SGCZ: variants seen among roughly 807,000 people sequenced by gnomAD.
The protein encoded by SGCZ is sarcoglycan zeta.
Under a neutral mutation model 41.3 loss-of-function variants are expected in SGCZ, and 40 were observed. The ratio of observed to expected loss-of-function variants is 0.97; its 90% confidence interval spans 0.75 to 1.26. The LOEUF (loss-of-function observed/expected upper bound fraction) is 1.26, where lower values mean the gene tolerates loss of function less well. Ranked by LOEUF, SGCZ falls within the 50% of genes most tolerant of loss-of-function variation. The pLI, the probability that SGCZ is intolerant of heterozygous loss-of-function variation, is 0.00. For synonymous variants in SGCZ, 206 were observed against 137.5 expected (o/e 1.50, Z -3.49); for missense variants, 552 against 369.8 (o/e 1.49, Z -4.04).
At chr8:14,979,798 G>C (rs573930176) in intron 1 of SGCZ, among the ~76,000 whole-genome samples, 1 of 152,326 alleles carries the variant, frequency 6.6e-6, no homozygotes, top group East Asian at 1.9e-4. Flanking sequence ...GGCAGGTGAT[G>C]ACAAGTAATC....
intron 5 of SGCZ, among the ~76,000 whole-genome samples, chr8:14,125,803 T>A (rs1452764429): frequency 6.6e-6 from 1 of 152,082 alleles, no homozygotes; most frequent in Non-Finnish European, 1.5e-5. Context: ...ACAATGGAGA[T>A]ACCAGAAGTA....
intron 1 of SGCZ, among the ~76,000 whole-genome samples, chr8:14,652,384 C>T: frequency 6.8e-6 from 1 of 146,716 alleles, no homozygotes; most frequent in East Asian, 2.0e-4. Flanking sequence ...TGAAATAATG[C>T]ATATATATTC....
chr8:14,584,652 C>G lies in SGCZ; in HGVS notation c.40-29726G>C, dbSNP rs966363469. On this transcript the variant is annotated intron_variant, in intron 1 of 7. Transcript: ENST00000382080. Reference sequence around the variant, plus strand: ...AAAAGAGTTGTGCGGTCTTCAGGGCCAAAAGCACGCTAAATTTAATTTTTT... The same window carrying G: ...AAAAGAGTTGTGCGGTCTTCAGGGCGAAAAGCACGCTAAATTTAATTTTTT... Among the ~76,000 whole-genome samples the G allele has an allele frequency of 2.6e-5, 4 of 151,828 alleles. No individual in the cohort carries two copies. In the South Asian group the frequency reaches 8.3e-4, roughly 31 times the overall value.
intron 3 of SGCZ, among the ~76,000 whole-genome samples, chr8:14,310,803 T>C (rs1249085882): frequency 6.6e-6 from 1 of 152,144 alleles, no homozygotes; most frequent in Non-Finnish European, 1.5e-5. Flanking sequence ...TGAACATTTT[T>C]AAAATAAGGG....
intron 1 of SGCZ, among the ~76,000 whole-genome samples, chr8:15,080,680 T>C (rs1166563729): frequency 6.6e-6 from 1 of 152,096 alleles, no homozygotes; most frequent in African/African-American, 2.4e-5. Flanking sequence ...AACCTCCGCC[T>C]CTGGGGTTCA....
chr8:14,125,198 T>G (rs1725732671), intron 5 of SGCZ, among the ~76,000 whole-genome samples: 1 of 152,062 alleles, frequency 6.6e-6, no homozygotes, highest in Non-Finnish European at 1.5e-5. Context: ...ATCACTATTG[T>G]TGGCCAGGCG....
At chr8:14,810,383 A>AT (rs1801703321) in intron 1 of SGCZ, among the ~76,000 whole-genome samples, 3 of 152,134 alleles carry the variant, frequency 2.0e-5, no homozygotes, top group South Asian at 2.1e-4. Context: ...TCATATTAAC[A>AT]TTTTTTAAGA....
intron 1 of SGCZ, among the ~76,000 whole-genome samples, chr8:15,097,885 T>TGC (rs1806436256): frequency 5.1e-5 from 1 of 19,680 alleles, no homozygotes; most frequent in South Asian, 2.7e-3. Context: ...TATATATACG[T>TGC]GTGTATATAT....
At chr8:14,687,282 G>C (rs1054965509) in intron 1 of SGCZ, among the ~76,000 whole-genome samples, 14 of 151,066 alleles carry the variant, frequency 9.3e-5, no homozygotes, top group African/African-American at 3.2e-4. Context: ...CCATGTTGGT[G>C]TGCTGCACCC....
At chr8:14,974,935 A>C (rs1409942416) in intron 1 of SGCZ, among the ~76,000 whole-genome samples, 1 of 152,094 alleles carries the variant, frequency 6.6e-6, no homozygotes, top group Non-Finnish European at 1.5e-5. Context: ...GGGAAATTTG[A>C]AATTCCCAGT....
At chr8:14,236,109 A>G (rs1806750386) in intron 4 of SGCZ, among the ~76,000 whole-genome samples, 1 of 152,228 alleles carries the variant, frequency 6.6e-6, no homozygotes, top group Admixed American at 6.5e-5. Flanking sequence ...AAATCTACTA[A>G]GGTTAGGCCC....
intron 2 of SGCZ, among the ~76,000 whole-genome samples, chr8:14,332,355 G>T (rs928572583): frequency 2.0e-5 from 3 of 152,020 alleles, no homozygotes; most frequent in African/African-American, 7.2e-5. Flanking sequence ...GCAGGAGAAT[G>T]GTGTGAACCC....
chr8:14,152,571 T>C (rs1480286100), intron 5 of SGCZ, among the ~76,000 whole-genome samples: 3 of 152,116 alleles, frequency 2.0e-5, no homozygotes, highest in East Asian at 1.9e-4. Flanking sequence ...TGTGAAGAAA[T>C]TGAATTCTTG....
At chr8:14,787,765 G>C (rs944348788) in intron 1 of SGCZ, among the ~76,000 whole-genome samples, 19 of 152,018 alleles carry the variant, frequency 1.2e-4, no homozygotes, top group Admixed American at 6.6e-4. Flanking sequence ...AGAATCGCTT[G>C]AACTCGGGAT....
At chr8:14,488,797 T>C (rs1197575184) in intron 2 of SGCZ, among the ~76,000 whole-genome samples, 1 of 151,254 alleles carries the variant, frequency 6.6e-6, no homozygotes. Context: ...TTTATTGCAA[T>C]AATCTTGACC....
intron 1 of SGCZ, among the ~76,000 whole-genome samples, chr8:14,640,727 C>T (rs1510439): frequency 0.11 from 16,294 of 151,248 alleles, 1,070 homozygotes; most frequent in African/African-American, 0.19. Context: ...TTTCCTAAAG[C>T]TAAAAGATAG....
chr8:14,303,121 A>G (rs1285687111), intron 3 of SGCZ, among the ~76,000 whole-genome samples: 3 of 152,174 alleles, frequency 2.0e-5, no homozygotes, highest in African/African-American at 7.2e-5. Flanking sequence ...GTGAAATAAA[A>G]TGTCATAAAT....
chr8:14,500,788 A>C (rs910262969), intron 2 of SGCZ, among the ~76,000 whole-genome samples: 1 of 152,096 alleles, frequency 6.6e-6, no homozygotes, highest in Non-Finnish European at 1.5e-5. Context: ...ACTAGACAGG[A>C]AATTGTGGTA....
intron 1 of SGCZ, among the ~76,000 whole-genome samples, chr8:15,174,600 C>T (rs957030694): frequency 5.9e-5 from 9 of 152,126 alleles, no homozygotes; most frequent in African/African-American, 2.2e-4. Flanking sequence ...TTTAACTTTA[C>T]AAGATGGTAT....
Sources: gnomAD v4.1 joint callset for allele counts (sites outside exome capture counted in the v4.1 genomes callset) on GRCh38, gnomAD v4.1.1 for gene constraint, MANE v1.5 for transcripts, NCBI Gene and HGNC (gene_info 2026-07-23, HGNC 2026-07-21) for gene names.